Variants in IL2RB observed in about 807,000 individuals in gnomAD.
IL2RB encodes interleukin 2 receptor subunit beta.
In IL2RB, 17 loss-of-function variants were observed where a neutral mutation model predicts 44.2. The ratio of observed to expected loss-of-function variants is 0.38; its 90% CI spans 0.26 to 0.58. The LOEUF is 0.58. IL2RB is among the 20% of genes least tolerant of loss of function. The probability of loss-of-function intolerance (pLI) is 0.63; values close to 1 mark genes in which losing one functional copy is unlikely to be tolerated. For missense variants in IL2RB, 624 were observed against 685.5 expected, an observed-to-expected ratio of 0.91 and a Z score of 1.00; for synonymous variants, 286 against 297.9, an observed-to-expected ratio of 0.96 and a Z score of 0.41.
chr22:37,144,114 G>A lies in IL2RB; in HGVS notation c.59C>T (p.Ala20Val), dbSNP rs538970680. ...LPLLILLLPL[A>V]TSWASAAVNG... ...CACCGCTGCAGATGCCCAAGAGGTA[G>A]CCAGGGGCAGGAGGAGGATGAGGAG... Residue 20 changes from alanine to valine, a missense_variant, in exon 2 of 10, where the codon GCT (alanine) becomes GTT (valine). By Grantham distance (64) the Ala-to-Val change is moderately conservative. Transcript: ENST00000216223. 65 of 1,552,520 alleles carry A rather than the reference G, an allele frequency of 4.2e-5. No homozygotes were observed. In the African/African-American group the frequency reaches 8.3e-4, roughly 20 times the overall value.
chr22:37,161,861 G>A (rs938413862), intron 1 of IL2RB: 3 of 152,254 alleles, frequency 2.0e-5, no homozygotes, highest in African/African-American at 7.2e-5. Context: ...TCCCCAATCA[G>A]AAGCCTCAAC....
At chr22:37,160,306 C>T (rs1425368442) in intron 1 of IL2RB, among the ~76,000 whole-genome samples, 1 of 152,240 alleles carries the variant, frequency 6.6e-6, no homozygotes, top group Admixed American at 6.5e-5. Context: ...CGGGGCCTCG[C>T]TCTTTCTCCA....
chr22:37,144,678 A>G (rs1922141341), intron 1 of IL2RB, among the ~76,000 whole-genome samples: 1 of 152,128 alleles, frequency 6.6e-6, no homozygotes, highest in African/African-American at 2.4e-5. Context: ...CTGGAGGCGG[A>G]GTTTGCAGTG....
At chr22:37,143,028 C>T (rs1044566114) in intron 3 of IL2RB, among the ~76,000 whole-genome samples, 1 of 152,068 alleles carries the variant, frequency 6.6e-6, no homozygotes, top group African/African-American at 2.4e-5. Flanking sequence ...GGGTCAGTCC[C>T]TCACTCACTG....
intron 9 of IL2RB, among the ~76,000 whole-genome samples, chr22:37,130,901 G>A (rs914273011): frequency 7.9e-5 from 12 of 152,246 alleles, no homozygotes; most frequent in African/African-American, 2.4e-4. Context: ...GCACGGTGGC[G>A]CACGCCTGTA....
chr22:37,147,540 C>G (rs1258850978), intron 1 of IL2RB, among the ~76,000 whole-genome samples: 2 of 152,232 alleles, frequency 1.3e-5, no homozygotes, highest in Non-Finnish European at 2.9e-5. Flanking sequence ...CTTTATTATC[C>G]CATTCTACAG....
At chr22:37,153,509 C>T (rs566263537), upstream of IL2RB, among the ~76,000 whole-genome samples, 16 of 152,302 alleles carry the variant, frequency 1.1e-4, 1 homozygote, top group South Asian at 2.7e-3. Flanking sequence ...TTTAATGTGA[C>T]CACGCACTGC....
At chr22:37,131,585 AGT>A (rs1458960527) in intron 9 of IL2RB, among the ~76,000 whole-genome samples, 1 of 152,204 alleles carries the variant, frequency 6.6e-6, no homozygotes, top group Non-Finnish European at 1.5e-5. Flanking sequence ...AAGACTTGTT[AGT>A]ATCCACGCTA....
chr22:37,172,958 G>A (rs1477664941), intron 1 of IL2RB, among the ~76,000 whole-genome samples: 1 of 152,110 alleles, frequency 6.6e-6, no homozygotes, highest in African/African-American at 2.4e-5. Context: ...AGAAGTCATA[G>A]CTCAGGTCCT....
At chr22:37,152,929 C>CTTT (rs67046193), upstream of IL2RB, among the ~76,000 whole-genome samples, 744 of 86,954 alleles carry the variant, frequency 8.6e-3, 35 homozygotes, top group Non-Finnish European at 0.011. Context: ...GCTGTGGCCT[C>CTTT]TTTTTTTTTT....
intron 1 of IL2RB, among the ~76,000 whole-genome samples, chr22:37,162,773 G>A (rs1922925976): frequency 6.6e-6 from 1 of 152,028 alleles, no homozygotes; most frequent in Non-Finnish European, 1.5e-5. Context: ...AGGGGTACTG[G>A]GGAAGAGGCA....
intron 1 of IL2RB, among the ~76,000 whole-genome samples, chr22:37,166,011 T>C (rs760020176): frequency 6.6e-6 from 1 of 152,214 alleles, no homozygotes; most frequent in Non-Finnish European, 1.5e-5. Flanking sequence ...AGGTGTGTTC[T>C]TTCCAGAACT....
At chr22:37,143,184 C>G (rs1171177651) in intron 3 of IL2RB, among the ~76,000 whole-genome samples, 1 of 152,114 alleles carries the variant, frequency 6.6e-6, no homozygotes, top group East Asian at 1.9e-4. Flanking sequence ...CTCCTTTCTC[C>G]CCACTTCCTC....
intron 9 of IL2RB, among the ~76,000 whole-genome samples, chr22:37,131,225 G>C (rs553677651): frequency 5.5e-4 from 84 of 152,272 alleles, no homozygotes; most frequent in African/African-American, 1.9e-3. Flanking sequence ...TTCTCATCTT[G>C]GGAGTTTTCC....
At chr22:37,145,539 G>A (rs1404713243) in intron 1 of IL2RB, among the ~76,000 whole-genome samples, 1 of 152,126 alleles carries the variant, frequency 6.6e-6, no homozygotes, top group Non-Finnish European at 1.5e-5. Context: ...AAGAAAAGTA[G>A]CTGCCCCCAC....
At chr22:37,150,205 T>G (rs765072546), upstream of IL2RB, among the ~76,000 whole-genome samples, 1 of 150,682 alleles carries the variant, frequency 6.6e-6, no homozygotes, top group Non-Finnish European at 1.5e-5. Flanking sequence ...TCTCCCCTCC[T>G]ACATCACCCC....
Position 37,136,667 on chromosome 22 carries a change from C to A in IL2RB, c.538-274G>T, listed in dbSNP as rs548774637. 3.3e-3 allele frequency among the ~76,000 whole-genome samples: 507 copies of A among 152,140 alleles called. 4 individuals carry two copies. Among genetic ancestry groups the A allele is most frequent in the Middle Eastern group, 0.024 (7 of 294 alleles). Reference sequence around the variant, plus strand: ...TCCCCCTCTCTCCCCGCCGCACTCACCCCAGGCCTGAGCTGCCGCCCTCTC... The same window carrying A: ...TCCCCCTCTCTCCCCGCCGCACTCAACCCAGGCCTGAGCTGCCGCCCTCTC... On this transcript the variant is annotated intron_variant, in intron 6 of 9. Transcript: ENST00000216223.
intron 1 of IL2RB, among the ~76,000 whole-genome samples, chr22:37,145,675 G>A (rs554337538): frequency 1.4e-4 from 21 of 152,174 alleles, no homozygotes; most frequent in African/African-American, 4.8e-4. Context: ...GGGAGATGAG[G>A]AGGGAGCTTC....
In IL2RB at chr22:37,127,342, G is replaced by A. The variant is rs773201526; in HGVS notation, c.*754C>T. ...GACAGCTTCTCCCTCCAGCACTGAC[G>A]CTAGAAGTTTCTGGCAGATTAAGGG... On this transcript the variant is annotated 3_prime_UTR_variant, in exon 10 of 10. Transcript: ENST00000216223. 2 of 152,212 alleles carry A rather than the reference G, an allele frequency of 1.3e-5. No individual in the cohort carries two copies. Among genetic ancestry groups the A allele is most frequent in the Non-Finnish European group, 2.9e-5 (2 of 68,054 alleles). 9.4% of individuals were successfully genotyped at this position (152,212 alleles called of 1,614,324 possible).
Sources: gnomAD v4.1 joint callset for allele counts (sites outside exome capture counted in the v4.1 genomes callset) on GRCh38, gnomAD v4.1.1 for gene constraint, MANE v1.5 for transcripts, NCBI Gene and HGNC (gene_info 2026-07-23, HGNC 2026-07-21) for gene names.